Variants in MAML2 observed in about 807,000 individuals in gnomAD.
The protein encoded by MAML2 is mastermind like transcriptional coactivator 2.
In MAML2, 22 loss-of-function variants were observed where a neutral mutation model predicts 96.1. The ratio of observed to expected loss-of-function variants is 0.23; its 90% CI spans 0.16 to 0.33. The LOEUF (loss-of-function observed/expected upper bound fraction) is 0.33. Ranked by LOEUF, MAML2 falls within the 10% of genes least tolerant of loss-of-function variation. The probability of loss-of-function intolerance (pLI) is 1.00; values close to 1 mark genes in which losing one functional copy is unlikely to be tolerated. For synonymous variants in MAML2, 561 were observed against 521.3 expected, an observed-to-expected ratio of 1.08 and a Z score of -1.04; for missense variants, 1,367 against 1,392.4, an observed-to-expected ratio of 0.98 and a Z score of 0.29.
chr11:96,108,813 G>T (rs7946857), intron 1 of MAML2, among the ~76,000 whole-genome samples: 58,570 of 151,746 alleles, frequency 0.39, 12,313 homozygotes, highest in East Asian at 0.73. Context: ...CAGGCAGATC[G>T]CTTGAGTCCA....
At chr11:96,254,550 G>C (rs1279108864) in intron 1 of MAML2, among the ~76,000 whole-genome samples, 8 of 151,316 alleles carry the variant, frequency 5.3e-5, no homozygotes, top group Non-Finnish European at 1.2e-4. Flanking sequence ...AAAGGACGTT[G>C]ATATTCTGGC....
intron 2 of MAML2, among the ~76,000 whole-genome samples, chr11:95,994,985 G>A (rs750668714): frequency 8.5e-5 from 13 of 152,108 alleles, no homozygotes; most frequent in Admixed American, 6.5e-5. Flanking sequence ...TCTGTAAAAG[G>A]GAAATAATAA....
In MAML2 at chr11:95,985,275, A is replaced by G. The variant is rs116508212; in HGVS notation, c.2455+256T>C. 1.4e-3 allele frequency among the ~76,000 whole-genome samples: 220 copies of G among 152,330 alleles called. 1 individual carries two copies. Among genetic ancestry groups the G allele is most frequent in the African/African-American group, 5.2e-3 (215 of 41,582 alleles). ...GAAGGAGAATGATTGAACCTAACAG[A>G]AAAATATTTAGCTCTTTTGAATTCT... On this transcript the variant is annotated intron_variant, in intron 4 of 4. Coordinates refer to ENST00000524717, the MANE Select transcript of MAML2 (RefSeq NM_032427.4).
chr11:96,179,061 T>C (rs980536686), intron 1 of MAML2, among the ~76,000 whole-genome samples: 4 of 152,184 alleles, frequency 2.6e-5, no homozygotes, highest in African/African-American at 7.2e-5. Context: ...TGTCTCTGGG[T>C]GATTACGTCT....
chr11:95,984,393 C>T (rs948539396), intron 4 of MAML2, among the ~76,000 whole-genome samples: 7 of 152,164 alleles, frequency 4.6e-5, no homozygotes, highest in Non-Finnish European at 1.0e-4. Flanking sequence ...ACTAGAGAAT[C>T]CTGTTTTTGC....
At chr11:96,173,741 C>A (rs1861339363) in intron 1 of MAML2, among the ~76,000 whole-genome samples, 2 of 152,208 alleles carry the variant, frequency 1.3e-5, no homozygotes, top group Non-Finnish European at 2.9e-5. Context: ...ACAGGGACTT[C>A]TTTGTCTTCG....
intron 2 of MAML2, among the ~76,000 whole-genome samples, chr11:96,072,184 T>C (rs956734183): frequency 6.6e-6 from 1 of 152,192 alleles, no homozygotes; most frequent in African/African-American, 2.4e-5. Flanking sequence ...TGTTCTTACA[T>C]AGCCCACTTG....
intron 1 of MAML2, among the ~76,000 whole-genome samples, chr11:96,238,921 T>A (rs1006255649): frequency 2.0e-5 from 3 of 152,122 alleles, no homozygotes; most frequent in Non-Finnish European, 4.4e-5. Flanking sequence ...GTTTCAGAAG[T>A]CTGTGGAGAA....
At chr11:96,256,608 C>A (rs1341654451) in intron 1 of MAML2, among the ~76,000 whole-genome samples, 1 of 152,098 alleles carries the variant, frequency 6.6e-6, no homozygotes, top group Non-Finnish European at 1.5e-5. Context: ...CAAATAAGAA[C>A]TTAGTGCTTG....
At chr11:96,071,772 G>C (rs1214911824) in intron 2 of MAML2, among the ~76,000 whole-genome samples, 1 of 152,208 alleles carries the variant, frequency 6.6e-6, no homozygotes, top group African/African-American at 2.4e-5. Context: ...TTACTCCAAA[G>C]GCCTTCTTTT....
rs1400004149 is a variant in MAML2, at chr11:96,342,780, G to C, written c.-885C>G. The C allele has an allele frequency of 1.6e-5, 5 of 313,790 alleles. No individual in the cohort carries two copies. Among genetic ancestry groups the C allele is most frequent in the African/African-American group, 4.2e-5 (2 of 47,388 alleles). The allele number at this position is 313,790 out of a possible 1,614,324, so 19.4% of individuals were successfully genotyped here. ...AATCTTAAGTCGCTAGCCACTGAGA[G>C]AGATCCTTCAACACATTTTTTTCTT... On this transcript the variant is annotated 5_prime_UTR_variant, in exon 1 of 5. Coordinates refer to ENST00000524717, the MANE Select transcript of MAML2 (RefSeq NM_032427.4).
Position 95,977,754 on chromosome 11 carries a change from A to G in MAML2, c.*1194T>C. The G allele has an allele frequency of 4.5e-6, 1 of 223,902 alleles. No individual in the cohort carries two copies. Among genetic ancestry groups the G allele is most frequent in the Non-Finnish European group, 8.9e-6 (1 of 112,040 alleles). 13.9% of individuals were successfully genotyped at this position (223,902 alleles called of 1,614,324 possible). A position where few individuals can be genotyped will look rare whatever the true frequency, so the allele number is the denominator to read the frequency against. On this transcript the variant is annotated 3_prime_UTR_variant, in exon 5 of 5. Transcript: ENST00000524717. The stretch of plus-strand genomic sequence containing the variant: ...GCATGTGGCAATGATTCATCACATC[A>G]GGGACAAAAGAACAAACAGAATGCT...
At chr11:96,260,147 G>T (rs1862727343) in intron 1 of MAML2, among the ~76,000 whole-genome samples, 1 of 152,052 alleles carries the variant, frequency 6.6e-6, no homozygotes, top group African/African-American at 2.4e-5. Flanking sequence ...CTGTGTGAAT[G>T]CCTGTGTGTG....
rs761124283 is a variant in MAML2 at position 96,043,009 on chromosome 11, G to A, written c.2139+48883C>T. Among the ~76,000 whole-genome samples, 42 of 152,252 alleles carry A rather than the reference G, an allele frequency of 2.8e-4. No individual in the cohort carries two copies. In the South Asian group the frequency reaches 3.1e-3, roughly 11 times the overall value. The stretch of plus-strand genomic sequence containing the variant: ...GATCTTCCCGCCTTAGCCTCCCAAA[G>A]TGCTGGGATTACAGGCATGAGCCAC... On this transcript the variant is annotated intron_variant, in intron 2 of 4. Coordinates refer to ENST00000524717, the MANE Select transcript of MAML2 (RefSeq NM_032427.4).
At chr11:96,317,117 C>T (rs1162166410) in intron 1 of MAML2, among the ~76,000 whole-genome samples, 1 of 152,136 alleles carries the variant, frequency 6.6e-6, no homozygotes, top group Non-Finnish European at 1.5e-5. Flanking sequence ...TGCTTGCATT[C>T]ACTGAAATGG....
chr11:96,193,305 G>A (rs1861682657), intron 1 of MAML2, among the ~76,000 whole-genome samples: 1 of 152,156 alleles, frequency 6.6e-6, no homozygotes, highest in Non-Finnish European at 1.5e-5. Flanking sequence ...GGAGGCGGAG[G>A]TTGCAGTGAG....
At chr11:96,153,755 C>CA (rs1339561306) in intron 1 of MAML2, among the ~76,000 whole-genome samples, 4 of 151,694 alleles carry the variant, frequency 2.6e-5, no homozygotes, top group African/African-American at 9.7e-5. Flanking sequence ...ACTAAAAATA[C>CA]AAAAAATTTG....
intron 1 of MAML2, among the ~76,000 whole-genome samples, chr11:96,300,272 G>T (rs1863368094): frequency 6.6e-6 from 1 of 152,194 alleles, no homozygotes; most frequent in African/African-American, 2.4e-5. Flanking sequence ...TTTCTTTCAG[G>T]AATATTGAAA....
intron 3 of MAML2, among the ~76,000 whole-genome samples, chr11:95,990,129 T>C (rs967356913): frequency 6.6e-6 from 1 of 152,180 alleles, no homozygotes; most frequent in African/African-American, 2.4e-5. Context: ...TTCTTTCCAT[T>C]ACATTTTCTC....
Sources: allele counts gnomAD v4.1 joint callset (sites outside exome capture counted in the v4.1 genomes callset), GRCh38; gene constraint gnomAD v4.1.1; transcripts MANE v1.5; gene names NCBI Gene and HGNC (gene_info 2026-07-23, HGNC 2026-07-21).